The following SEMA4F variants were observed in gnomAD, a reference collection of about 807,000 sequenced individuals.
SEMA4F encodes semaphorin-4F.
In SEMA4F, 51 loss-of-function variants were observed where a neutral mutation model predicts 78.4. That is an observed-to-expected ratio of 0.65 (90% CI 0.52 to 0.82). The LOEUF is 0.82. SEMA4F is among the 40% of genes least tolerant of loss of function. The pLI, the probability that SEMA4F is intolerant of heterozygous loss-of-function variation, is 0.00. For missense variants in SEMA4F, 938 were observed against 1,014.4 expected, an observed-to-expected ratio of 0.92 and a Z score of 1.02; for synonymous variants, 418 against 408.7, an observed-to-expected ratio of 1.02 and a Z score of -0.27.
chr2:74,680,234 A>G lies in SEMA4F; in HGVS notation c.*25A>G, dbSNP rs370593814. ...GAGCTGGGCAAATGACCACTAGTGT[A>G]TAAGTGATCACTGGAACGGAGTGAC... On this transcript the variant is annotated 3_prime_UTR_variant, in exon 14 of 14. Transcript: ENST00000357877. The G allele has an allele frequency of 2.0e-5, 31 of 1,531,174 alleles. No individual in the cohort carries two copies. The highest frequency in any genetic ancestry group is 2.7e-5 in the Non-Finnish European group (31 of 1,135,964). 94.8% of individuals were successfully genotyped at this position (1,531,174 alleles called of 1,614,324 possible).
chr2:74,656,329 A>G (rs1480319531), intron 1 of SEMA4F, among the ~76,000 whole-genome samples: 1 of 152,186 alleles, frequency 6.6e-6, no homozygotes. Flanking sequence ...TTTTTATAGA[A>G]AAAGCATACT....
rs1685636315 is a variant in SEMA4F at position 74,681,903 on chromosome 2, C to T, written c.*1694C>T. 6.6e-6 allele frequency: 1 copy of T among 152,628 alleles called. No individual in the cohort carries two copies. Among genetic ancestry groups the T allele is most frequent in the Admixed American group, 6.5e-5 (1 of 15,282 alleles). The allele number at this position is 152,628 out of a possible 1,614,324, so 9.5% of individuals were successfully genotyped here. On this transcript the variant is annotated 3_prime_UTR_variant, in exon 14 of 14. Transcript: ENST00000357877. The stretch of plus-strand genomic sequence containing the variant: ...CCCTTGGGTTTGGAATTATCAGTGG[C>T]TTTGCCACTAGTAAATGTGTGATCT...
At chr2:74,668,830 T>A (rs1333297675) in intron 5 of SEMA4F, among the ~76,000 whole-genome samples, 6 of 150,880 alleles carry the variant, frequency 4.0e-5, no homozygotes, top group Non-Finnish European at 8.9e-5. Flanking sequence ...GGGTTTTGCC[T>A]TGTTGGCCAG....
At chr2:74,674,251 C>G (rs1573256017) in intron 7 of SEMA4F, among the ~76,000 whole-genome samples, 1 of 152,264 alleles carries the variant, frequency 6.6e-6, no homozygotes, top group African/African-American at 2.4e-5. Flanking sequence ...ACGTAAAACA[C>G]ATAATACAGC....
At chr2:74,668,476 A>T (rs1038180773) in intron 5 of SEMA4F, among the ~76,000 whole-genome samples, 8 of 152,126 alleles carry the variant, frequency 5.3e-5, no homozygotes, top group African/African-American at 1.9e-4. Flanking sequence ...TTTTTTTTTA[A>T]AAAATATCCA....
the SEMA4F span, among the ~76,000 whole-genome samples, chr2:74,704,693 G>A: frequency 2.6e-5 from 4 of 152,050 alleles, no homozygotes; most frequent in South Asian, 6.2e-4. Context: ...CTACCAATGC[G>A]GGCTGGATTC....
intron 5 of SEMA4F, among the ~76,000 whole-genome samples, chr2:74,669,962 A>G (rs1441699644): frequency 6.6e-6 from 1 of 152,154 alleles, no homozygotes; most frequent in Non-Finnish European, 1.5e-5. Flanking sequence ...AATCTTTCCT[A>G]TGCTTGCAGG....
At chr2:74,669,357 G>A (rs1684858146) in intron 5 of SEMA4F, among the ~76,000 whole-genome samples, 2 of 151,956 alleles carry the variant, frequency 1.3e-5, no homozygotes, top group Admixed American at 6.6e-5. Context: ...AGGCCGAGGT[G>A]GGCAGATCAT....
In SEMA4F at chr2:74,658,523, G is replaced by A. The variant is rs1684272604; in HGVS notation, c.456+572G>A. Among the ~76,000 whole-genome samples, 1 of 152,240 alleles carries A rather than the reference G, an allele frequency of 6.6e-6. No individual in the cohort carries two copies. The highest frequency in any genetic ancestry group is 2.1e-4 in the South Asian group (1 of 4,838). On this transcript the variant is annotated intron_variant, in intron 4 of 13. Transcript: ENST00000357877. The surrounding 1 kb of genome is among the most constrained non-coding windows in gnomAD (Gnocchi z 4.3). ...CCATATTCTGGATCTTGCCTTCAGGGCGGGCACTCTGTCAATCATGTTTTC... is the reference window on the plus strand; with the variant it reads ...CCATATTCTGGATCTTGCCTTCAGGACGGGCACTCTGTCAATCATGTTTTC...
chr2:74,659,223 A>G (rs145876545), intron 4 of SEMA4F, among the ~76,000 whole-genome samples: 2 of 152,246 alleles, frequency 1.3e-5, no homozygotes, highest in Admixed American at 6.5e-5. Context: ...TAAGGTAGCA[A>G]TGGTACTGCC....
chr2:74,699,924 G>C, the SEMA4F span, among the ~76,000 whole-genome samples: 1 of 152,124 alleles, frequency 6.6e-6, no homozygotes, highest in African/African-American at 2.4e-5. Flanking sequence ...ACAACTTTTT[G>C]AGCTGCTAGC....
At chr2:74,687,170 A>C (rs1222534419), downstream of SEMA4F, among the ~76,000 whole-genome samples, 3 of 152,174 alleles carry the variant, frequency 2.0e-5, no homozygotes, top group Non-Finnish European at 4.4e-5. Flanking sequence ...ACTCAGGAGC[A>C]ACAGCCACAC....
chr2:74,697,974 G>T, the SEMA4F span, among the ~76,000 whole-genome samples: 6 of 152,120 alleles, frequency 3.9e-5, no homozygotes, highest in Admixed American at 3.9e-4. Context: ...CAGGCAGCAA[G>T]GTCCCCTCTC....
At position 74,674,480 on chromosome 2, in the gene SEMA4F, A is replaced by ATGTG. The variant is rs1685154642; in HGVS notation, c.823-16_823-13dup. ...GATGATCATCTAAAGAGAACCTCCC[A>ATGTG]TGTGTTTGTCACCCCAGGGGGACCT... is the stretch of plus-strand genomic sequence containing the variant. On this transcript the variant is annotated splice_polypyrimidine_tract_variant and intron_variant, in intron 7 of 13. Coordinates refer to ENST00000357877, the MANE Select transcript of SEMA4F (RefSeq NM_004263.5). 5 of 1,600,902 alleles carry ATGTG rather than the reference A, an allele frequency of 3.1e-6. No individual in the cohort carries two copies. The East Asian group carries it at 1.1e-4, about 36-fold the overall frequency.
chr2:74,674,730 G>C (rs1685169944), intron 8 of SEMA4F, 54 bp downstream of exon 8: 1 of 1,590,666 alleles, frequency 6.3e-7, no homozygotes. Context: ...TGTGGGGTTG[G>C]CACAATGTCA....
At chr2:74,684,608 C>G (rs555829448), downstream of SEMA4F, among the ~76,000 whole-genome samples, 1 of 152,200 alleles carries the variant, frequency 6.6e-6, no homozygotes, top group South Asian at 2.1e-4. Flanking sequence ...CAAGTTCAAG[C>G]AGATGGAGAA....
At chr2:74,655,497 A>G (rs1358214239) in intron 1 of SEMA4F, 1 of 175,146 alleles carries the variant, frequency 5.7e-6, no homozygotes, top group Non-Finnish European at 1.3e-5. Context: ...CCTGTTGGCA[A>G]CAACTCTGGA....
intron 1 of SEMA4F, chr2:74,655,305 T>C (rs363710): frequency 3.3e-4 from 133 of 405,154 alleles, no homozygotes; most frequent in Non-Finnish European, 4.7e-4. Flanking sequence ...ATATGATCCT[T>C]TGAAAAGATG....
At chr2:74,654,765 G>T (rs925339510) in intron 1 of SEMA4F, among the ~76,000 whole-genome samples, 3 of 152,142 alleles carry the variant, frequency 2.0e-5, no homozygotes, top group African/African-American at 7.2e-5. Flanking sequence ...CCCACGACAC[G>T]CCCAGGCTGC....
Sources: gnomAD v4.1 joint callset for allele counts (sites outside exome capture counted in the v4.1 genomes callset) on GRCh38, gnomAD v4.1.1 for gene constraint, Gnocchi (gnomAD v3.1) non-coding constraint, MANE v1.5 for transcripts, NCBI Gene and HGNC (gene_info 2026-07-23, HGNC 2026-07-21) for gene names.